The following DOCK4 variants were observed in gnomAD, a reference collection of about 807,000 sequenced individuals.
DOCK4 encodes the protein dedicator of cytokinesis protein 4.
A neutral mutation model predicts 268.1 loss-of-function variants in DOCK4; 97 were observed. The observed-to-expected ratio is 0.36, with a 90% CI of 0.31 to 0.43. DOCK4 has a LOEUF of 0.43. DOCK4 is among the 20% of genes least tolerant of loss of function. The pLI, the probability that DOCK4 is intolerant of heterozygous loss-of-function variation, is 1.00. For missense variants in DOCK4, 2,145 were observed against 2,455.7 expected, an observed-to-expected ratio of 0.87 and a Z score of 2.67; for synonymous variants, 954 against 887.2, an observed-to-expected ratio of 1.08 and a Z score of -1.34.
intron 37 of DOCK4, among the ~76,000 whole-genome samples, chr7:111,767,680 T>G (rs1032132327): frequency 6.6e-6 from 1 of 152,140 alleles, no homozygotes; most frequent in Non-Finnish European, 1.5e-5. Flanking sequence ...CTGGTGTCAT[T>G]CCAGAATCAT....
intron 16 of DOCK4, among the ~76,000 whole-genome samples, chr7:111,879,581 G>C (rs1055208177): frequency 1.3e-5 from 2 of 152,162 alleles, no homozygotes; most frequent in African/African-American, 4.8e-5. Context: ...CTGGATGAGA[G>C]GGGAGCAGGG....
chr7:111,991,988 A>G (rs1271481506), intron 5 of DOCK4, among the ~76,000 whole-genome samples: 1 of 135,584 alleles, frequency 7.4e-6, no homozygotes, highest in African/African-American at 2.8e-5. Flanking sequence ...AAAAAAAAAA[A>G]GTGCCTGGCA....
At chr7:111,795,351 G>A (rs928772119) in intron 30 of DOCK4, among the ~76,000 whole-genome samples, 1 of 152,082 alleles carries the variant, frequency 6.6e-6, no homozygotes, top group East Asian at 1.9e-4. Context: ...CCCAGGGACC[G>A]GTTCATGATA....
intron 1 of DOCK4, among the ~76,000 whole-genome samples, chr7:112,189,626 G>A (rs1182791892): frequency 1.3e-5 from 2 of 152,184 alleles, no homozygotes; most frequent in Admixed American, 1.3e-4. Flanking sequence ...GTTATACTAA[G>A]AGCAGAGGAT....
At chr7:111,910,440 T>C (rs939779392) in intron 13 of DOCK4, among the ~76,000 whole-genome samples, 4 of 152,222 alleles carry the variant, frequency 2.6e-5, no homozygotes, top group African/African-American at 9.6e-5. Context: ...AAAAGAGACA[T>C]GCTGTACATG....
At chr7:111,922,644 C>T (rs1390851872) in intron 12 of DOCK4, among the ~76,000 whole-genome samples, 8 of 152,122 alleles carry the variant, frequency 5.3e-5, no homozygotes, top group South Asian at 2.1e-4. Context: ...TGCAGTGGTG[C>T]GATCTTGGCT....
At chr7:112,134,576 C>T (rs568552981) in intron 1 of DOCK4, among the ~76,000 whole-genome samples, 5 of 151,976 alleles carry the variant, frequency 3.3e-5, no homozygotes, top group African/African-American at 7.2e-5. Flanking sequence ...AAAAAATCAG[C>T]TAGGTGTGGT....
chr7:111,800,114 C>G (rs28694530), intron 30 of DOCK4, among the ~76,000 whole-genome samples: 58,378 of 151,644 alleles, frequency 0.38, 13,691 homozygotes, highest in African/African-American at 0.65. Flanking sequence ...AAGTTTAATA[C>G]GACTTTTTTA....
At chr7:111,875,706 G>A (rs1038196178) in intron 17 of DOCK4, among the ~76,000 whole-genome samples, 14 of 152,230 alleles carry the variant, frequency 9.2e-5, no homozygotes, top group Non-Finnish European at 1.5e-4. Context: ...AATGCAGGTG[G>A]CTTCTAAAGC....
chr7:112,075,614 T>C (rs1159972071), intron 1 of DOCK4, among the ~76,000 whole-genome samples: 1 of 152,202 alleles, frequency 6.6e-6, no homozygotes, highest in Non-Finnish European at 1.5e-5. Flanking sequence ...AACAACAGAA[T>C]TTGAGCATAT....
chr7:112,089,139 T>C (rs933998094), intron 1 of DOCK4, among the ~76,000 whole-genome samples: 2 of 152,168 alleles, frequency 1.3e-5, no homozygotes, highest in East Asian at 1.9e-4. Flanking sequence ...CTTGTTAAAG[T>C]TCTTTTTACT....
Position 111,945,777 on chromosome 7 carries a change from C to G in DOCK4, c.723G>C (p.Leu241=). ...GGGCTTTGGGAAGCCCGTTTCTATT[C>G]AGCCTCAAGAAAAATCTCTCACTAC... ...RPISERFFLR[L]NRNGLPKAPD... The change falls in exon 9 of 53, where the codon CTG becomes CTC. Residue 241 remains leucine, a synonymous_variant. Transcript: ENST00000428084. The G allele has an allele frequency of 1.9e-6, 3 of 1,592,998 alleles. No homozygotes were observed. Among genetic ancestry groups the G allele is most frequent in the Non-Finnish European group, 2.6e-6 (3 of 1,169,224 alleles).
intron 13 of DOCK4, among the ~76,000 whole-genome samples, chr7:111,914,840 C>T (rs1049997748): frequency 6.6e-6 from 1 of 152,174 alleles, no homozygotes; most frequent in Non-Finnish European, 1.5e-5. Flanking sequence ...TGGGTTTCTT[C>T]TGTTGTGTTC....
chr7:111,998,571 T>C, intron 3 of DOCK4, 68 bp from the exon 4 acceptor site: 2 of 1,236,756 alleles, frequency 1.6e-6, no homozygotes, highest in Non-Finnish European at 2.3e-6. Flanking sequence ...AAGTCATTTG[T>C]ATAAAACACA....
intron 13 of DOCK4, among the ~76,000 whole-genome samples, chr7:111,908,214 T>C (rs112523799): frequency 0.07 from 10,656 of 152,088 alleles, 1,262 homozygotes; most frequent in African/African-American, 0.24. Flanking sequence ...TTTGGGAGGC[T>C]GAGGCAGGCA....
At chr7:112,133,374 A>C (rs979314431) in intron 1 of DOCK4, among the ~76,000 whole-genome samples, 3 of 152,178 alleles carry the variant, frequency 2.0e-5, no homozygotes, top group African/African-American at 7.2e-5. Context: ...TTTCCTGCTT[A>C]ATCTTTTATT....
At chr7:112,152,455 C>G (rs192749453) in intron 1 of DOCK4, among the ~76,000 whole-genome samples, 1 of 152,290 alleles carries the variant, frequency 6.6e-6, no homozygotes, top group Admixed American at 6.5e-5. Context: ...GTACAAGTCA[C>G]AGAGTCCAAC....
At chr7:112,120,082 A>C (rs929243984) in intron 1 of DOCK4, among the ~76,000 whole-genome samples, 2 of 151,950 alleles carry the variant, frequency 1.3e-5, no homozygotes, top group African/African-American at 2.4e-5. Context: ...CTCCTGACCT[A>C]GTGATCCGCC....
intron 23 of DOCK4, among the ~76,000 whole-genome samples, chr7:111,861,832 G>T (rs1805560163): frequency 6.7e-6 from 1 of 148,352 alleles, no homozygotes; most frequent in Non-Finnish European, 1.5e-5. Context: ...ATTTAAAGAT[G>T]AAATGATTTA....
Sources: gnomAD v4.1 joint callset for allele counts (sites outside exome capture counted in the v4.1 genomes callset) on GRCh38, gnomAD v4.1.1 for gene constraint, MANE v1.5 for transcripts, NCBI Gene and HGNC (gene_info 2026-07-23, HGNC 2026-07-21) for gene names.